The following TENM2 variants were observed in gnomAD, a reference collection of about 807,000 sequenced individuals.
TENM2 encodes the protein teneurin-2.
Under a neutral mutation model 245.2 loss-of-function variants are expected in TENM2, and 52 were observed. The observed-to-expected ratio is 0.21, with a 90% CI of 0.17 to 0.27. The LOEUF (loss-of-function observed/expected upper bound fraction) is 0.27. Ranked by LOEUF, TENM2 falls within the 10% of genes least tolerant of loss-of-function variation. The pLI is 1.00. For missense variants in TENM2, 3,046 were observed against 3,666.8 expected (o/e 0.83, Z 4.37); for synonymous variants, 1,363 against 1,438.9 (o/e 0.95, Z 1.19).
chr5:168,181,562 G>T (rs760738139), intron 13 of TENM2, among the ~76,000 whole-genome samples: 1 of 151,942 alleles, frequency 6.6e-6, no homozygotes, highest in Admixed American at 6.5e-5. Flanking sequence ...TTGGTACAAC[G>T]ATCTCTGGAC....
chr5:168,070,063 A>T (rs569957309), intron 7 of TENM2, among the ~76,000 whole-genome samples: 1 of 152,188 alleles, frequency 6.6e-6, no homozygotes, highest in Non-Finnish European at 1.5e-5. Context: ...ATTATGTTGC[A>T]CTTGTCAAAC....
intron 2 of TENM2, among the ~76,000 whole-genome samples, chr5:167,583,473 T>TACACAC (rs10682735): frequency 0.33 from 45,637 of 137,234 alleles, 7,636 homozygotes; most frequent in Admixed American, 0.39. Context: ...TGAGTATATG[T>TACACAC]ACACACACAC....
intron 3 of TENM2, among the ~76,000 whole-genome samples, chr5:167,935,716 C>T (rs1363605264): frequency 6.6e-6 from 1 of 152,122 alleles, no homozygotes; most frequent in Non-Finnish European, 1.5e-5. Context: ...ATGAGAAAGC[C>T]TCTGCTAGCT....
the TENM2 span, among the ~76,000 whole-genome samples, chr5:167,254,832 G>A: frequency 6.6e-6 from 1 of 152,162 alleles, no homozygotes; most frequent in African/African-American, 2.4e-5. Context: ...GCAAAACTCT[G>A]AGGACAGACC....
At chr5:167,801,784 G>A (rs1472849539) in intron 2 of TENM2, among the ~76,000 whole-genome samples, 1 of 152,062 alleles carries the variant, frequency 6.6e-6, no homozygotes, top group Non-Finnish European at 1.5e-5. Flanking sequence ...ACATCAGCCT[G>A]GCTTAGAGAA....
At chr5:168,003,735 A>G (rs1784590359) in intron 5 of TENM2, among the ~76,000 whole-genome samples, 1 of 152,186 alleles carries the variant, frequency 6.6e-6, no homozygotes, top group African/African-American at 2.4e-5. Context: ...TACTTAGATA[A>G]ACAACAGTGG....
At chr5:167,572,453 C>T (rs1001751595) in intron 2 of TENM2, among the ~76,000 whole-genome samples, 2 of 152,230 alleles carry the variant, frequency 1.3e-5, no homozygotes, top group South Asian at 2.1e-4. Context: ...AATTTACTTT[C>T]GGATATTGGA....
intron 2 of TENM2, among the ~76,000 whole-genome samples, chr5:167,849,006 A>G (rs770706703): frequency 2.0e-5 from 3 of 152,132 alleles, no homozygotes; most frequent in East Asian, 1.9e-4. Flanking sequence ...GTTTAAGACA[A>G]TGAAAATGGA....
At chr5:167,053,282 T>C in the TENM2 span, among the ~76,000 whole-genome samples, 2 of 152,240 alleles carry the variant, frequency 1.3e-5, no homozygotes, top group East Asian at 3.8e-4. Flanking sequence ...ATAAGCATGG[T>C]ATTAACATGC....
the TENM2 span, among the ~76,000 whole-genome samples, chr5:167,205,010 A>G: frequency 2.0e-5 from 3 of 152,186 alleles, no homozygotes; most frequent in Non-Finnish European, 4.4e-5. Flanking sequence ...TATGTGCCCC[A>G]CTGGTTTAGT....
chr5:167,609,194 G>C (rs1777270280), intron 2 of TENM2, among the ~76,000 whole-genome samples: 1 of 152,048 alleles, frequency 6.6e-6, no homozygotes, highest in Non-Finnish European at 1.5e-5. Context: ...GAGTGGGCCA[G>C]TCACACACTA....
chr5:168,074,441 C>A (rs1791283807), intron 7 of TENM2, among the ~76,000 whole-genome samples: 1 of 152,150 alleles, frequency 6.6e-6, no homozygotes, highest in African/African-American at 2.4e-5. Context: ...TCTTTTCAGC[C>A]TCTGAAACCC....
chr5:167,460,393 A>G (rs1296352472), intron 2 of TENM2, among the ~76,000 whole-genome samples: 3 of 152,218 alleles, frequency 2.0e-5, no homozygotes, highest in South Asian at 4.1e-4. Context: ...CAGCTATACC[A>G]TTTGTTTTAG....
At chr5:167,985,698 T>C (rs1269652514) in intron 4 of TENM2, among the ~76,000 whole-genome samples, 1 of 152,200 alleles carries the variant, frequency 6.6e-6, no homozygotes, top group Admixed American at 6.5e-5. Flanking sequence ...CTGCTAGGAT[T>C]TTCCCCTGGG....
In TENM2 at chr5:168,218,890, C is replaced by A. The variant is rs1447040959; in HGVS notation, c.4999C>A (p.Leu1667Ile). 4.3e-6 allele frequency: 7 copies of A among 1,613,866 alleles called. No homozygotes were observed. In the Admixed American group the frequency reaches 1.2e-4, roughly 27 times the overall value. ...CCTCACCGTGGGCACCAATGGAGGC[C>A]TCAAAGTCGTGTCCACACAGAACCT... Residue 1667 changes from leucine (L) to isoleucine (I), a missense_variant, in exon 23 of 29, where the codon CTC (leucine) becomes ATC (isoleucine). Physicochemically the swap from Leu to Ile is conservative, Grantham distance 5. Coordinates refer to ENST00000518659, the Ensembl canonical transcript of TENM2. This position sits in a 1 kb window ranked among gnomAD's most constrained non-coding sequence, Gnocchi z 5.2.
At chr5:167,079,778 A>G in the TENM2 span, among the ~76,000 whole-genome samples, 3 of 152,190 alleles carry the variant, frequency 2.0e-5, no homozygotes, top group Non-Finnish European at 4.4e-5. Context: ...CCTTTGATAT[A>G]TCTATGTTGC....
chr5:167,634,292 G>A (rs940750223), intron 2 of TENM2, among the ~76,000 whole-genome samples: 4 of 152,188 alleles, frequency 2.6e-5, no homozygotes, highest in Non-Finnish European at 5.9e-5. Context: ...CTGATATTTG[G>A]CATAGAATTT....
chr5:167,620,550 T>C (rs1778092743), intron 2 of TENM2, among the ~76,000 whole-genome samples: 2 of 22,394 alleles, frequency 8.9e-5, no homozygotes. Context: ...GCTTTTTGGC[T>C]TTTTTTTTTT....
At chr5:167,855,240 C>T (rs1770957365) in intron 2 of TENM2, among the ~76,000 whole-genome samples, 1 of 152,084 alleles carries the variant, frequency 6.6e-6, no homozygotes, top group Non-Finnish European at 1.5e-5. Flanking sequence ...GCATGGCTCC[C>T]TCTCTCACTT....
Sources: allele counts gnomAD v4.1 joint callset (sites outside exome capture counted in the v4.1 genomes callset), GRCh38; gene constraint gnomAD v4.1.1; non-coding constraint Gnocchi (gnomAD v3.1); transcripts MANE v1.5; gene names NCBI Gene and HGNC (gene_info 2026-07-23, HGNC 2026-07-21).